ZNF814: variants seen among roughly 807,000 people sequenced by gnomAD.
ZNF814 encodes the protein zinc finger protein 814.
In ZNF814, 5 loss-of-function variants were observed where a neutral mutation model predicts 7.5. That is an observed-to-expected ratio of 0.67 (90% CI 0.35 to 1.40). The LOEUF is 1.40. Among genes scored for constraint, ZNF814 ranks in the 40% most tolerant of loss-of-function variants. The pLI is 0.04. For synonymous variants in ZNF814, 315 were observed against 340.7 expected (o/e 0.92, Z 0.83); for missense variants, 962 against 1,018.0 (o/e 0.94, Z 0.75).
At position 57,872,698 on chromosome 19, in the gene ZNF814, T is replaced by TGC. The variant is rs2071565640; in HGVS notation, c.*122_*123dup. On this transcript the variant is annotated 3_prime_UTR_variant, in exon 3 of 3. Coordinates refer to ENST00000435989, the MANE Select transcript of ZNF814 (RefSeq NM_001144989.2). Reference sequence around the variant, plus strand: ...TGTGAACTCTCTTATGAACACAGAATGCAGAGCTGTGGGTAGATGACTTCC... The same window carrying TGC: ...TGTGAACTCTCTTATGAACACAGAATGCGCAGAGCTGTGGGTAGATGACTTCC... 1 of 1,600,084 alleles carries TGC rather than the reference T, an allele frequency of 6.2e-7. No homozygotes were observed. Among genetic ancestry groups the TGC allele is most frequent in the African/African-American group, 1.3e-5 (1 of 74,444 alleles).
the ZNF814 span, among the ~76,000 whole-genome samples, chr19:57,899,872 C>G: frequency 6.6e-6 from 1 of 152,142 alleles, no homozygotes; most frequent in South Asian, 2.1e-4. Context: ...AGCAAGGCTG[C>G]ACACAACAAA....
At chr19:57,891,245 G>T (rs898809385), upstream of ZNF814, among the ~76,000 whole-genome samples, 1 of 152,222 alleles carries the variant, frequency 6.6e-6, no homozygotes, top group African/African-American at 2.4e-5. Context: ...AGAAATAGGG[G>T]CCAGGCGCGG....
At chr19:57,889,536 G>C (rs1314865566), upstream of ZNF814, among the ~76,000 whole-genome samples, 1 of 152,116 alleles carries the variant, frequency 6.6e-6, no homozygotes, top group Non-Finnish European at 1.5e-5. Flanking sequence ...CTGCATTCCA[G>C]CCTGGGCAAC....
In ZNF814 at chr19:57,883,764, AT is replaced by A. The variant is rs879603699; in HGVS notation, c.36+5002del. Among the ~76,000 whole-genome samples the A allele has an allele frequency of 2.4e-3, 360 of 147,554 alleles. 3 individuals are homozygous for A. Among genetic ancestry groups the A allele is most frequent in the African/African-American group, 7.6e-3 (309 of 40,506 alleles). On this transcript the variant is annotated intron_variant, in intron 1 of 2. Transcript: ENST00000435989. Reference sequence around the variant, plus strand: ...GACTGAAGTGGGCAAAGATTTCTTTATTTTTTTTTTTGAGATGAAGTCTCAC... The same window carrying A: ...GACTGAAGTGGGCAAAGATTTCTTTATTTTTTTTTTGAGATGAAGTCTCAC...
chr19:57,875,783 G>A (rs1290262698), intron 2 of ZNF814, among the ~76,000 whole-genome samples: 1 of 151,952 alleles, frequency 6.6e-6, no homozygotes, highest in East Asian at 1.9e-4. Flanking sequence ...AGAAAGAGTA[G>A]AAGCGATAAG....
At position 57,889,005 on chromosome 19, in the gene ZNF814, T is replaced by C; in HGVS notation, c.-203A>G. The C allele has an allele frequency of 3.5e-6, 2 of 578,856 alleles. No homozygotes were observed. Among genetic ancestry groups the C allele is most frequent in the South Asian group, 4.7e-5 (2 of 42,880 alleles). The allele number at this position is 578,856 out of a possible 1,614,324, so 35.9% of individuals were successfully genotyped here. ...AGTGCGGACCTAGCGCTCAGGAGCC[T>C]CTCCTACAAATAAATCCAACACCAA... On this transcript the variant is annotated 5_prime_UTR_variant, in exon 1 of 3. Coordinates refer to ENST00000435989, the MANE Select transcript of ZNF814 (RefSeq NM_001144989.2).
chr19:57,877,919 A>G (rs2071619143), intron 1 of ZNF814, among the ~76,000 whole-genome samples: 1 of 152,002 alleles, frequency 6.6e-6, no homozygotes, highest in South Asian at 2.1e-4. Context: ...AATCCCAGTG[A>G]TTTCAGAGGC....
chr19:57,888,957 C>G lies in ZNF814; in HGVS notation c.-155G>C, dbSNP rs1197860317. On this transcript the variant is annotated 5_prime_UTR_variant, in exon 1 of 3. Coordinates refer to ENST00000435989, the MANE Select transcript of ZNF814 (RefSeq NM_001144989.2). ...TGTGCAGCGGAGGACAACTGCTCCCCGACTTCTGGGTTCAGTCACCACAGT... is the reference window on the plus strand; with the variant it reads ...TGTGCAGCGGAGGACAACTGCTCCCGGACTTCTGGGTTCAGTCACCACAGT... The G allele has an allele frequency of 1.7e-5, 13 of 773,986 alleles. No individual in the cohort carries two copies. The highest frequency in any genetic ancestry group is 2.7e-5 in the Non-Finnish European group (13 of 478,820). 47.9% of individuals were successfully genotyped at this position (773,986 alleles called of 1,614,324 possible). A position where few individuals can be genotyped will look rare whatever the true frequency, so the allele number is the denominator to read the frequency against.
Position 57,872,860 on chromosome 19 carries a change from G to C in ZNF814, c.2530C>G (p.Leu844Val). ...CTCCAGTGTGAACTCTGGTGTACAA[G>C]GAGGTGAGACTTCTTGTTAAATAAT... ...GKLFNKKSHL[L>V]VHQSSHWRKA... The change falls in exon 3 of 3, where the codon CTT becomes GTT. Residue 844 changes from leucine (L) to valine (V), a missense_variant. Physicochemically the swap from Leu to Val is conservative, Grantham distance 32. Around this residue, in one of 7 missense-constraint regions of ZNF814, gnomAD observed 665 missense variants for 551.4 expected, o/e 1.21. Coordinates refer to ENST00000435989, the MANE Select transcript of ZNF814 (RefSeq NM_001144989.2). 1.2e-6 allele frequency: 2 copies of C among 1,611,592 alleles called. No individual in the cohort carries two copies. Among genetic ancestry groups the C allele is most frequent in the Non-Finnish European group, 1.7e-6 (2 of 1,179,216 alleles).
the ZNF814 span, among the ~76,000 whole-genome samples, chr19:57,903,472 C>A: frequency 6.6e-6 from 1 of 152,024 alleles, no homozygotes; most frequent in Non-Finnish European, 1.5e-5. Context: ...GGAATACATC[C>A]GATTTTTGCG....
upstream of ZNF814, among the ~76,000 whole-genome samples, chr19:57,893,984 T>G (rs2071745334): frequency 6.6e-6 from 1 of 150,852 alleles, no homozygotes; most frequent in Non-Finnish European, 1.5e-5. Flanking sequence ...CTCGGGAGGC[T>G]GAGGCAGGAA....
rs757090196 is a variant in ZNF814, at chr19:57,872,161, A to C, written c.*661T>G. On this transcript the variant is annotated 3_prime_UTR_variant, in exon 3 of 3. Transcript: ENST00000435989. ...GTGAAAAATGCACTGTAGCTGCCAC[A>C]CACTTGGAACTTTTGCAGATGCTCA... is the stretch of plus-strand genomic sequence containing the variant. Among the ~76,000 whole-genome samples the C allele has an allele frequency of 3.9e-5, 6 of 152,224 alleles. No homozygotes were observed. Among genetic ancestry groups the C allele is most frequent in the Non-Finnish European group, 8.8e-5 (6 of 68,040 alleles).
chr19:57,889,602 C>T (rs1368314284), upstream of ZNF814, among the ~76,000 whole-genome samples: 4 of 152,070 alleles, frequency 2.6e-5, no homozygotes, highest in Admixed American at 2.0e-4. Context: ...GGGCGGCTCA[C>T]GCCCGTAATC....
rs1339028794 is a variant in ZNF814, at chr19:57,871,414, A to G, written c.*1408T>C. The G allele has an allele frequency of 6.6e-6, 1 of 152,224 alleles. No individual in the cohort carries two copies. The highest frequency in any genetic ancestry group is 1.5e-5 in the Non-Finnish European group (1 of 68,060). The allele number at this position is 152,224 out of a possible 1,614,324, so 9.4% of individuals were successfully genotyped here. ...CTACATTCTGCATTCATACTGTTCC[A>G]TGAGCCACAAAGTTTAGCTATGCCA... On this transcript the variant is annotated 3_prime_UTR_variant, in exon 3 of 3. Coordinates refer to ENST00000435989, the MANE Select transcript of ZNF814 (RefSeq NM_001144989.2).
intron 1 of ZNF814, among the ~76,000 whole-genome samples, chr19:57,877,338 C>T (rs1199575234): frequency 3.9e-5 from 6 of 152,272 alleles, no homozygotes; most frequent in African/African-American, 9.6e-5. Context: ...CCTCTCTGAA[C>T]ACACCTCATT....
At chr19:57,896,873 C>T in the ZNF814 span, among the ~76,000 whole-genome samples, 7,706 of 152,138 alleles carry the variant, frequency 0.051, 683 homozygotes, top group African/African-American at 0.17. This position sits in a 1 kb window ranked among gnomAD's most constrained non-coding sequence, Gnocchi z 4.2. Flanking sequence ...CAAACTCAGG[C>T]AAGGGAAAAA....
rs781369155 is a variant in ZNF814, at chr19:57,871,090, A to G, written c.*1732T>C. The stretch of plus-strand genomic sequence containing the variant: ...CTATAAAATTATAATTTCACCTGAT[A>G]GCATTACAATCTGTGATGTTATCCT... On this transcript the variant is annotated 3_prime_UTR_variant, in exon 3 of 3. Coordinates refer to ENST00000435989, the MANE Select transcript of ZNF814 (RefSeq NM_001144989.2). The G allele has an allele frequency of 6.6e-6, 1 of 152,240 alleles. No individual in the cohort carries two copies. Among genetic ancestry groups the G allele is most frequent in the Non-Finnish European group, 1.5e-5 (1 of 68,032 alleles). 9.4% of individuals were successfully genotyped at this position (152,240 alleles called of 1,614,324 possible).
At position 57,870,626 on chromosome 19, in the gene ZNF814, A is replaced by G. The variant is rs2071549600; in HGVS notation, c.*2196T>C. ...TATTCATCATTATGGAAGTCCTGAT[A>G]ATTCCTGTATCTGCATATTCATCAT... On this transcript the variant is annotated 3_prime_UTR_variant, in exon 3 of 3. Transcript: ENST00000435989. The G allele has an allele frequency of 6.6e-6, 1 of 152,216 alleles. No individual in the cohort carries two copies. Among genetic ancestry groups the G allele is most frequent in the African/African-American group, 2.4e-5 (1 of 41,440 alleles). The allele number at this position is 152,216 out of a possible 1,614,324, so 9.4% of individuals were successfully genotyped here.
chr19:57,904,336 G>A, the ZNF814 span, among the ~76,000 whole-genome samples: 1 of 152,026 alleles, frequency 6.6e-6, no homozygotes, highest in African/African-American at 2.4e-5. Context: ...TAGAGCTCAG[G>A]GCCTTTGCAG....
Sources: allele counts gnomAD v4.1 joint callset (sites outside exome capture counted in the v4.1 genomes callset), GRCh38; gene constraint gnomAD v4.1.1; regional missense constraint gnomAD v4.1.1; non-coding constraint Gnocchi (gnomAD v3.1); transcripts MANE v1.5; gene names NCBI Gene and HGNC (gene_info 2026-07-23, HGNC 2026-07-21).